Variants in RANBP2 observed in about 807,000 individuals in gnomAD.
The protein encoded by RANBP2 is E3 SUMO-protein ligase RanBP2.
In RANBP2, 57 loss-of-function variants were observed where a neutral mutation model predicts 303.6. The observed-to-expected ratio is 0.19, with a 90% CI of 0.15 to 0.23. The LOEUF (loss-of-function observed/expected upper bound fraction) is 0.23. Among genes scored for constraint, RANBP2 ranks in the 10% least tolerant of loss-of-function variants. The pLI is 1.00. For missense variants in RANBP2, 3,138 were observed against 3,780.8 expected (o/e 0.83, Z 4.46); for synonymous variants, 1,167 against 1,301.5 (o/e 0.90, Z 2.23).
At chr2:109,345,430 A>C in the RANBP2 span, among the ~76,000 whole-genome samples, 2 of 152,158 alleles carry the variant, frequency 1.3e-5, no homozygotes, top group Non-Finnish European at 1.5e-5. Context: ...CACTGTTGTT[A>C]CCAATGGTAG....
At chr2:109,703,730 A>G in the RANBP2 span, among the ~76,000 whole-genome samples, 1 of 152,076 alleles carries the variant, frequency 6.6e-6, no homozygotes. Context: ...CGCCCTGCCT[A>G]TTTTCTGTAT....
chr2:109,494,794 C>A, the RANBP2 span, among the ~76,000 whole-genome samples: 1 of 152,104 alleles, frequency 6.6e-6, no homozygotes, highest in Non-Finnish European at 1.5e-5. Flanking sequence ...ATTTCTTGGG[C>A]CTTTCCTGTG....
chr2:109,197,863 C>G, the RANBP2 span, among the ~76,000 whole-genome samples: 1 of 152,240 alleles, frequency 6.6e-6, no homozygotes, highest in Non-Finnish European at 1.5e-5. Flanking sequence ...CTTACTTTTG[C>G]TTTTTGCACA....
At chr2:109,188,541 A>AT in the RANBP2 span, among the ~76,000 whole-genome samples, 1 of 152,208 alleles carries the variant, frequency 6.6e-6, no homozygotes, top group Non-Finnish European at 1.5e-5. Flanking sequence ...GAGAAGCGGC[A>AT]TCCCCCGTCA....
chr2:108,925,471 C>G, the RANBP2 span, among the ~76,000 whole-genome samples: 10 of 152,206 alleles, frequency 6.6e-5, no homozygotes, highest in Admixed American at 6.5e-4. Context: ...AGGGTGGTGG[C>G]TCTGTCCCAC....
At chr2:109,689,688 C>T in the RANBP2 span, among the ~76,000 whole-genome samples, 7 of 152,198 alleles carry the variant, frequency 4.6e-5, no homozygotes, top group South Asian at 2.1e-4. Context: ...TTCTGCCAAA[C>T]GCTCTCTTCC....
the RANBP2 span, among the ~76,000 whole-genome samples, chr2:109,699,014 T>G: frequency 0.5 from 75,698 of 152,052 alleles, 21,790 homozygotes; most frequent in South Asian, 0.69. Flanking sequence ...TTTGTTTGAG[T>G]GGGTGTAAGG....
the RANBP2 span, among the ~76,000 whole-genome samples, chr2:109,219,321 T>C: frequency 1.3e-5 from 2 of 152,234 alleles, no homozygotes; most frequent in African/African-American, 4.8e-5. Flanking sequence ...ATAAGGTTTC[T>C]ACTTCTTTAA....
chr2:109,288,370 A>C, the RANBP2 span, among the ~76,000 whole-genome samples: 1 of 152,190 alleles, frequency 6.6e-6, no homozygotes, highest in East Asian at 1.9e-4. Context: ...GAACACTCAG[A>C]GGTATTCTCA....
chr2:109,556,565 A>G, the RANBP2 span, among the ~76,000 whole-genome samples: 4 of 152,178 alleles, frequency 2.6e-5, no homozygotes, highest in African/African-American at 9.7e-5. Flanking sequence ...AAGAGCAGAG[A>G]TTACAAATGT....
chr2:109,164,663 C>A, the RANBP2 span, among the ~76,000 whole-genome samples: 1 of 152,170 alleles, frequency 6.6e-6, no homozygotes, highest in Non-Finnish European at 1.5e-5. Context: ...AGAGCACTTA[C>A]TTGTATCAAC....
At chr2:109,634,655 C>T in the RANBP2 span, among the ~76,000 whole-genome samples, 3 of 152,148 alleles carry the variant, frequency 2.0e-5, no homozygotes, top group Non-Finnish European at 4.4e-5. Context: ...CAAATGGTGA[C>T]GTGTATATTG....
At chr2:108,727,603 ATTTT>A (rs34554578) in intron 1 of RANBP2, among the ~76,000 whole-genome samples, 1 of 119,732 alleles carries the variant, frequency 8.4e-6, no homozygotes, top group Non-Finnish European at 1.7e-5. Context: ...TTGTATCAGC[ATTTT>A]TTTTTTTTTT....
chr2:109,193,910 C>T, the RANBP2 span, among the ~76,000 whole-genome samples: 1 of 152,330 alleles, frequency 6.6e-6, no homozygotes, highest in East Asian at 1.9e-4. Context: ...GCAAGCCTTG[C>T]CCCAGGTCTC....
At chr2:108,769,619 G>C (rs983841784) in intron 20 of RANBP2, among the ~76,000 whole-genome samples, 2 of 151,818 alleles carry the variant, frequency 1.3e-5, no homozygotes, top group Non-Finnish European at 2.9e-5. Flanking sequence ...TAATGTTTAT[G>C]TTTAGCCACT....
At chr2:109,169,717 T>C in the RANBP2 span, among the ~76,000 whole-genome samples, 1 of 150,954 alleles carries the variant, frequency 6.6e-6, no homozygotes, top group African/African-American at 2.5e-5. Context: ...TATATATCTA[T>C]ATATATAACC....
At chr2:109,571,212 G>C in the RANBP2 span, among the ~76,000 whole-genome samples, 1 of 152,186 alleles carries the variant, frequency 6.6e-6, no homozygotes, top group African/African-American at 2.4e-5. Flanking sequence ...CTAAGGAACT[G>C]TAAGTCAATT....
chr2:109,624,868 G>T, the RANBP2 span, among the ~76,000 whole-genome samples: 1 of 151,934 alleles, frequency 6.6e-6, no homozygotes, highest in Admixed American at 6.6e-5. Flanking sequence ...ATCACCTGAG[G>T]TCAGGAGTTC....
At chr2:109,020,020 A>T in the RANBP2 span, among the ~76,000 whole-genome samples, 2 of 152,242 alleles carry the variant, frequency 1.3e-5, no homozygotes, top group African/African-American at 4.8e-5. Context: ...GTTTCGGGGC[A>T]GTGTGTTGAA....
Sources: allele counts gnomAD v4.1 joint callset (sites outside exome capture counted in the v4.1 genomes callset), GRCh38; gene constraint gnomAD v4.1.1; transcripts MANE v1.5; gene names NCBI Gene and HGNC (gene_info 2026-07-23, HGNC 2026-07-21).